The following PAK5 variants were observed in gnomAD, a reference collection of about 807,000 sequenced individuals.
PAK5 encodes the protein p21 (RAC1) activated kinase 5.
Under a neutral mutation model 65.9 loss-of-function variants are expected in PAK5, and 16 were observed. That is an observed-to-expected ratio of 0.24 (90% CI 0.16 to 0.37). The LOEUF (loss-of-function observed/expected upper bound fraction) is 0.37. Ranked by LOEUF, PAK5 falls within the 10% of genes least tolerant of loss-of-function variation. The probability of loss-of-function intolerance (pLI) is 1.00; values close to 1 mark genes in which losing one functional copy is unlikely to be tolerated. For synonymous variants in PAK5, 371 were observed against 354.9 expected, an observed-to-expected ratio of 1.05 and a Z score of -0.51; for missense variants, 785 against 903.9, an observed-to-expected ratio of 0.87 and a Z score of 1.69.
At chr20:9,588,226 C>T (rs78980279) in intron 3 of PAK5, among the ~76,000 whole-genome samples, 2,354 of 152,076 alleles carry the variant, frequency 0.015, 55 homozygotes, top group African/African-American at 0.053. Context: ...ATTTTAATCA[C>T]CCAATAGTAA....
chr20:9,653,403 A>G (rs1003994956), intron 2 of PAK5, among the ~76,000 whole-genome samples: 2 of 152,232 alleles, frequency 1.3e-5, no homozygotes, highest in East Asian at 1.9e-4. Context: ...CTCTGTGTCT[A>G]TGCTTCCAAA....
chr20:9,762,035 C>T (rs1481655384), intron 1 of PAK5, among the ~76,000 whole-genome samples: 2 of 152,082 alleles, frequency 1.3e-5, no homozygotes, highest in Admixed American at 1.3e-4. Context: ...CTTCAATAAA[C>T]AGTGATGGGA....
intron 2 of PAK5, among the ~76,000 whole-genome samples, chr20:9,698,588 C>A (rs77180689): frequency 0.011 from 1,712 of 152,270 alleles, 34 homozygotes; most frequent in African/African-American, 0.039. Flanking sequence ...AATGATCATA[C>A]CTCCCATTCA....
intron 1 of PAK5, among the ~76,000 whole-genome samples, chr20:9,749,115 A>C (rs2048544448): frequency 6.6e-6 from 1 of 152,156 alleles, no homozygotes; most frequent in Non-Finnish European, 1.5e-5. Context: ...GCAATTAAGA[A>C]ATAACCCCAT....
At chr20:9,617,201 C>T (rs910149902) in intron 3 of PAK5, among the ~76,000 whole-genome samples, 2 of 152,190 alleles carry the variant, frequency 1.3e-5, no homozygotes, top group African/African-American at 4.8e-5. Context: ...AGCTTCAATA[C>T]ATCTGATGTG....
At chr20:9,821,085 C>T (rs557248537) in intron 1 of PAK5, among the ~76,000 whole-genome samples, 103 of 152,182 alleles carry the variant, frequency 6.8e-4, no homozygotes, top group Non-Finnish European at 1.1e-3. Flanking sequence ...GTTTCCTGTC[C>T]ATACCAATGA....
At chr20:9,578,102 G>A (rs996621543) in intron 4 of PAK5, among the ~76,000 whole-genome samples, 4 of 152,022 alleles carry the variant, frequency 2.6e-5, no homozygotes, top group Admixed American at 1.3e-4. Context: ...GATAACATAC[G>A]CCCAAATAAT....
rs34591396 is a variant in PAK5 at position 9,838,205 on chromosome 20, G to GCACA, written c.-162+553_-162+556dup. Among the ~76,000 whole-genome samples, 13,392 of 150,538 alleles carry GCACA rather than the reference G, an allele frequency of 0.089. 639 individuals carry two copies. The highest frequency in any genetic ancestry group is 0.17 in the East Asian group (834 of 5,006). ...GGCGCGCGCGCACACACACACGCGC[G>GCACA]CACACACACACACACACAAATAACA... On this transcript the variant is annotated intron_variant, in intron 1 of 9. Coordinates refer to ENST00000353224, the MANE Select transcript of PAK5 (RefSeq NM_177990.4). This position sits in a 1 kb window ranked among gnomAD's most constrained non-coding sequence, Gnocchi z 4.5.
At chr20:9,605,173 A>G (rs1261090271) in intron 3 of PAK5, among the ~76,000 whole-genome samples, 1 of 152,212 alleles carries the variant, frequency 6.6e-6, no homozygotes, top group African/African-American at 2.4e-5. Context: ...CAGGTCAGAG[A>G]AGCGGGGGTA....
chr20:9,773,118 A>C (rs1394988051), intron 1 of PAK5, among the ~76,000 whole-genome samples: 1 of 152,234 alleles, frequency 6.6e-6, no homozygotes, highest in Non-Finnish European at 1.5e-5. Flanking sequence ...TCTGGAAGAC[A>C]AGCTGGCTTT....
At chr20:9,590,693 A>T (rs1221959747) in intron 3 of PAK5, among the ~76,000 whole-genome samples, 1 of 152,008 alleles carries the variant, frequency 6.6e-6, no homozygotes, top group East Asian at 1.9e-4. Context: ...GTCATATGGC[A>T]CCACAGGCAT....
Position 9,539,504 on chromosome 20 carries a change from C to T in PAK5, c.2118G>A (p.Pro706=), listed in dbSNP as rs141022343. ...GHPFLKLAGP[P]SCIVPLMRQY... is the part of the protein sequence containing the mutation. ...GTCTCATGAGGGGGACGATGCAAGA[C>T]GGTGGACCTGCTAGTTTTAAGAATG... The change falls in exon 10 of 10, where the codon CCG becomes CCA. Residue 706 remains proline, a synonymous_variant. Coordinates refer to ENST00000353224, the MANE Select transcript of PAK5 (RefSeq NM_177990.4). 4.7e-5 allele frequency: 76 copies of T among 1,614,092 alleles called. No homozygotes were observed. In the Middle Eastern group the frequency reaches 5.0e-4, roughly 11 times the overall value.
intron 1 of PAK5, among the ~76,000 whole-genome samples, chr20:9,737,987 A>AC (rs1363899899): frequency 3.3e-5 from 5 of 152,084 alleles, no homozygotes; most frequent in African/African-American, 1.2e-4. Flanking sequence ...CTAAAAATAC[A>AC]AAAATTAGCT....
intron 1 of PAK5, among the ~76,000 whole-genome samples, chr20:9,741,033 C>T (rs2048445563): frequency 6.6e-6 from 1 of 152,186 alleles, no homozygotes; most frequent in South Asian, 2.1e-4. Flanking sequence ...ATACCTATCA[C>T]AGAATGCACT....
chr20:9,690,836 C>T (rs1223563532), intron 2 of PAK5, among the ~76,000 whole-genome samples: 2 of 149,774 alleles, frequency 1.3e-5, no homozygotes, highest in Admixed American at 6.7e-5. Context: ...TCACTGCAAC[C>T]TCCTCTTCCC....
chr20:9,698,357 G>C (rs906258648), intron 2 of PAK5, among the ~76,000 whole-genome samples: 1 of 152,150 alleles, frequency 6.6e-6, no homozygotes, highest in African/African-American at 2.4e-5. Context: ...TGGCCAGCCA[G>C]AAAGAGAGGA....
chr20:9,624,924 T>C (rs564315952), intron 3 of PAK5, among the ~76,000 whole-genome samples: 23 of 152,350 alleles, frequency 1.5e-4, no homozygotes, highest in African/African-American at 5.3e-4. Context: ...GAATCTGTTA[T>C]AAGCAATTAA....
intron 7 of PAK5, among the ~76,000 whole-genome samples, chr20:9,554,156 A>G (rs1480356270): frequency 1.3e-5 from 2 of 152,150 alleles, no homozygotes; most frequent in African/African-American, 4.8e-5. Context: ...GCCAACAATA[A>G]TTTTGCCTAT....
intron 1 of PAK5, among the ~76,000 whole-genome samples, chr20:9,801,990 G>C (rs1490964632): frequency 6.6e-6 from 1 of 152,144 alleles, no homozygotes; most frequent in South Asian, 2.1e-4. Context: ...CACCAGTAAG[G>C]TTGGCTGATT....
Sources: allele counts gnomAD v4.1 joint callset (sites outside exome capture counted in the v4.1 genomes callset), GRCh38; gene constraint gnomAD v4.1.1; non-coding constraint Gnocchi (gnomAD v3.1); transcripts MANE v1.5; gene names NCBI Gene and HGNC (gene_info 2026-07-23, HGNC 2026-07-21).